Variants in LMO3 observed in about 807,000 individuals in gnomAD.
The protein encoded by LMO3 is LIM domain only 3.
Under a neutral mutation model 15.8 loss-of-function variants are expected in LMO3, and 2 were observed. The ratio of observed to expected loss-of-function variants is 0.13; its 90% confidence interval spans 0.05 to 0.40. The LOEUF (loss-of-function observed/expected upper bound fraction) is 0.40, where lower values mean the gene tolerates loss of function less well. LMO3 is among the 10% of genes least tolerant of loss of function. The pLI is 0.99. For missense variants in LMO3, 86 were observed against 182.2 expected (o/e 0.47, Z 3.04); for synonymous variants, 62 against 63.8 (o/e 0.97, Z 0.13).
rs2058768 is a variant in LMO3, at chr12:16,596,204, C to G, written c.206+4451G>C. ...AGTTATTATATTATTATATTAAAGCCTATAAAATTTGTAGTCAGCATAGCA... is the reference window on the plus strand; with the variant it reads ...AGTTATTATATTATTATATTAAAGCGTATAAAATTTGTAGTCAGCATAGCA... On this transcript the variant is annotated intron_variant, in intron 2 of 3. Coordinates refer to ENST00000537304, the MANE Select transcript of LMO3 (RefSeq NM_018640.5). The surrounding 1 kb of genome is among the most constrained non-coding windows in gnomAD (Gnocchi z 4.3). 6.6e-6 allele frequency among the ~76,000 whole-genome samples: 1 copy of G among 151,382 alleles called. No homozygotes were observed. Among genetic ancestry groups the G allele is most frequent in the African/African-American group, 2.4e-5 (1 of 41,358 alleles).
At chr12:16,605,251 G>A (rs890240791) in intron 1 of LMO3, 1 of 1,268,746 alleles carries the variant, frequency 7.9e-7, no homozygotes, top group South Asian at 2.0e-5. Context: ...GTCACATGCA[G>A]CGTTAGCATA....
At chr12:16,580,679 C>G (rs1263069829) in intron 2 of LMO3, among the ~76,000 whole-genome samples, 1 of 152,080 alleles carries the variant, frequency 6.6e-6, no homozygotes, top group African/African-American at 2.4e-5. Context: ...ATAAAAAATA[C>G]ATACATGTGC....
At chr12:16,564,532 G>A (rs1942522575) in intron 2 of LMO3, among the ~76,000 whole-genome samples, 1 of 152,178 alleles carries the variant, frequency 6.6e-6, no homozygotes, top group African/African-American at 2.4e-5. Context: ...ACAGGCATCA[G>A]GGGAAAATGA....
upstream of LMO3, chr12:16,607,762 A>T (rs1298146805): frequency 7.1e-6 from 1 of 140,582 alleles, no homozygotes; most frequent in Non-Finnish European, 1.6e-5. Context: ...TTTAAAAAAA[A>T]AATCAAAGCA....
rs16912024 is a variant in LMO3 at position 16,559,649 on chromosome 12, T to G, written c.332+764A>C. Among the ~76,000 whole-genome samples the G allele has an allele frequency of 0.071, 10,797 of 152,104 alleles. 525 individuals carry two copies. The highest frequency in any genetic ancestry group is 0.2 in the East Asian group (1,012 of 5,174). ...AGTACATATAGGACAGGGTTAAAATTTAAGGTAAACAGCTAGATTGGGTGG... is the reference window on the plus strand; with the variant it reads ...AGTACATATAGGACAGGGTTAAAATGTAAGGTAAACAGCTAGATTGGGTGG... On this transcript the variant is annotated intron_variant, in intron 3 of 3. Coordinates refer to ENST00000537304, the MANE Select transcript of LMO3 (RefSeq NM_018640.5). The surrounding 1 kb of genome is among the most constrained non-coding windows in gnomAD (Gnocchi z 4.1).
chr12:16,604,926 G>C lies in LMO3; in HGVS notation c.-9+1140C>G. On this transcript the variant is annotated intron_variant, in intron 1 of 3. Coordinates refer to ENST00000537304, the MANE Select transcript of LMO3 (RefSeq NM_018640.5). The surrounding 1 kb of genome is among the most constrained non-coding windows in gnomAD (Gnocchi z 5.3). ...GGCGTGTCTGAGTTGCAGCAGCTTC[G>C]CATTGAGCACCAAACCCAAAGGTAG... 6.3e-7 allele frequency: 1 copy of C among 1,598,368 alleles called. No homozygotes were observed. The highest frequency in any genetic ancestry group is 8.5e-7 in the Non-Finnish European group (1 of 1,179,786).
chr12:16,584,824 CTGGTATACAT>C lies in LMO3; in HGVS notation c.206+15821_206+15830del, dbSNP rs1213866695. On this transcript the variant is annotated intron_variant, in intron 2 of 3. Transcript: ENST00000537304. This position sits in a 1 kb window ranked among gnomAD's most constrained non-coding sequence, Gnocchi z 5.2. ...GGAGATTTCTGAAGCAGGAGTGTAA[CTGGTATACAT>C]TGGATGAAGGGCTCTGATCCTCTCT... Among the ~76,000 whole-genome samples, 2 of 152,150 alleles carry C rather than the reference CTGGTATACAT, an allele frequency of 1.3e-5. No individual in the cohort carries two copies. The highest frequency in any genetic ancestry group is 2.9e-5 in the Non-Finnish European group (2 of 68,032).
At chr12:16,561,936 G>T (rs1397475052) in intron 2 of LMO3, among the ~76,000 whole-genome samples, 4 of 152,134 alleles carry the variant, frequency 2.6e-5, no homozygotes, top group Admixed American at 2.0e-4. Flanking sequence ...TTACATTCAA[G>T]AAGATCAAAT....
At chr12:16,573,676 T>C (rs1292145422) in intron 2 of LMO3, 5 of 152,236 alleles carry the variant, frequency 3.3e-5, no homozygotes. Flanking sequence ...CTTCCTGCTC[T>C]GCTCGAGCTG....
At chr12:16,588,036 T>C (rs952584675) in intron 2 of LMO3, among the ~76,000 whole-genome samples, 2 of 152,142 alleles carry the variant, frequency 1.3e-5, no homozygotes, top group African/African-American at 4.8e-5. Flanking sequence ...CTTTGGTATT[T>C]TCCCCCTTTT....
chr12:16,590,024 T>G (rs1016982211), intron 2 of LMO3, among the ~76,000 whole-genome samples: 11 of 152,106 alleles, frequency 7.2e-5, no homozygotes, highest in Non-Finnish European at 8.8e-5. Context: ...TCAAAGCACA[T>G]TTGCATAGCT....
chr12:16,588,589 A>C (rs148195904), intron 2 of LMO3, among the ~76,000 whole-genome samples: 13 of 152,210 alleles, frequency 8.5e-5, no homozygotes, highest in African/African-American at 2.9e-4. Flanking sequence ...AATTCTCCCA[A>C]AGATCCAAAT....
intron 2 of LMO3, among the ~76,000 whole-genome samples, chr12:16,577,918 G>A (rs1943044051): frequency 6.6e-6 from 1 of 152,088 alleles, no homozygotes; most frequent in African/African-American, 2.4e-5. Context: ...GACATTTTTA[G>A]ACTAAAATAA....
At chr12:16,605,690 CCTCT>C in intron 1 of LMO3, 1 of 1,349,124 alleles carries the variant, frequency 7.4e-7, no homozygotes, top group Non-Finnish European at 1.0e-6. Flanking sequence ...TCTCCCTGCC[CCTCT>C]CTCCCCGGGA....
chr12:16,558,379 A>T lies in LMO3; in HGVS notation c.332+2034T>A, dbSNP rs181465879. Among the ~76,000 whole-genome samples the T allele has an allele frequency of 2.0e-5, 3 of 152,218 alleles. No homozygotes were observed. In the East Asian group the frequency reaches 5.8e-4, roughly 29 times the overall value. On this transcript the variant is annotated intron_variant, in intron 3 of 3. Coordinates refer to ENST00000537304, the MANE Select transcript of LMO3 (RefSeq NM_018640.5). ...AGAAAAGCAATGACTTTATGATTCCATAATGGGAACTGCATGGTTACTGGC... is the reference window on the plus strand; with the variant it reads ...AGAAAAGCAATGACTTTATGATTCCTTAATGGGAACTGCATGGTTACTGGC...
At chr12:16,562,773 A>G (rs958409009) in intron 2 of LMO3, among the ~76,000 whole-genome samples, 2 of 152,234 alleles carry the variant, frequency 1.3e-5, no homozygotes, top group African/African-American at 2.4e-5. Context: ...CTCTGGGTTA[A>G]TAACAGACAA....
chr12:16,597,508 T>C lies in LMO3; in HGVS notation c.206+3147A>G, dbSNP rs546263249. The C allele has an allele frequency of 2.0e-4, 30 of 151,934 alleles. No individual in the cohort carries two copies. The highest frequency in any genetic ancestry group is 7.0e-4 in the African/African-American group (29 of 41,530). 9.4% of individuals were successfully genotyped at this position (151,934 alleles called of 1,614,324 possible). On this transcript the variant is annotated intron_variant, in intron 2 of 3. Coordinates refer to ENST00000537304, the MANE Select transcript of LMO3 (RefSeq NM_018640.5). The surrounding 1 kb of genome is among the most constrained non-coding windows in gnomAD (Gnocchi z 5.0). ...TTAGGAGTGTTTCTTTCTTTCTGTT[T>C]ATGGAGGGAGAAGTGTATTAAGAAG...
rs956333348 is a variant in LMO3 at position 16,590,502 on chromosome 12, CAAG to C, written c.206+10150_206+10152del. ...TTGACTTTAAAAAGTGAAAAAAATA[CAAG>C]AATATCACCCCTCAGACCTAGAATA... On this transcript the variant is annotated intron_variant, in intron 2 of 3. Transcript: ENST00000537304. Among the ~76,000 whole-genome samples the C allele has an allele frequency of 1.1e-4, 16 of 151,610 alleles. 1 individual carries two copies. Among genetic ancestry groups the C allele is most frequent in the South Asian group, 8.3e-4 (4 of 4,800 alleles).
Position 16,560,503 on chromosome 12 carries a change from C to T in LMO3, c.242G>A (p.Ser81Asn). 1 of 1,613,838 alleles carries T rather than the reference C, an allele frequency of 6.2e-7. No individual in the cohort carries two copies. The change falls in exon 3 of 4, where the codon AGT (serine) becomes AAT (asparagine). Residue 81 changes from serine to asparagine, a missense_variant. Ser to Asn is a conservative substitution (Grantham distance 46). Coordinates refer to ENST00000537304, the MANE Select transcript of LMO3 (RefSeq NM_018640.5). This position sits in a 1 kb window ranked among gnomAD's most constrained non-coding sequence, Gnocchi z 5.0. ...FGVTGNCAAC[S>N]KLIPAFEMVM... ...CATCTCAAAGGCAGGGATGAGCTTA[C>T]TACAGGCAGCGCAGTTTCCCGTTAC...
Sources: gnomAD v4.1 joint callset for allele counts (sites outside exome capture counted in the v4.1 genomes callset) on GRCh38, gnomAD v4.1.1 for gene constraint, Gnocchi (gnomAD v3.1) non-coding constraint, MANE v1.5 for transcripts, NCBI Gene and HGNC (gene_info 2026-07-23, HGNC 2026-07-21) for gene names.